SH3RF2: variants seen among roughly 807,000 people sequenced by gnomAD.
SH3RF2 encodes the protein E3 ubiquitin-protein ligase SH3RF2.
A neutral mutation model predicts 59.0 loss-of-function variants in SH3RF2; 43 were observed. The observed-to-expected ratio is 0.73, with a 90% CI of 0.57 to 0.94. The LOEUF is 0.94. Ranked by LOEUF, SH3RF2 falls within the 40% of genes least tolerant of loss-of-function variation. The probability of loss-of-function intolerance (pLI) is 0.00; values close to 1 mark genes in which losing one functional copy is unlikely to be tolerated. For synonymous variants in SH3RF2, 391 were observed against 391.5 expected (o/e 1.00, Z 0.01); for missense variants, 930 against 940.1 (o/e 0.99, Z 0.14).
rs1302603024 is a variant in SH3RF2 at position 146,000,069 on chromosome 5, A to T, written c.390A>T (p.Ala130=). The change falls in exon 3 of 10, where the codon GCA becomes GCT. Residue 130 remains alanine (A), a synonymous_variant. Coordinates refer to ENST00000359120, the MANE Select transcript of SH3RF2 (RefSeq NM_152550.4). ...VRIHMDGVPR[A]KALCNYRGQN... Reference sequence around the variant, plus strand: ...CTGTGCCATTGCAGGTGCCTCGAGCAAAGGCCTTATGCAACTACAGAGGGC... The same window carrying T: ...CTGTGCCATTGCAGGTGCCTCGAGCTAAGGCCTTATGCAACTACAGAGGGC... 1 of 1,612,504 alleles carries T rather than the reference A, an allele frequency of 6.2e-7. No individual in the cohort carries two copies.
chr5:146,028,564 C>A (rs1761624854), intron 5 of SH3RF2, among the ~76,000 whole-genome samples: 1 of 151,616 alleles, frequency 6.6e-6, no homozygotes, highest in African/African-American at 2.4e-5. Context: ...TTAGCGGCAT[C>A]CCCGGCCCCT....
At chr5:146,056,289 T>C (rs1384561411) in intron 8 of SH3RF2, 76 bp downstream of exon 8, 7 of 1,594,782 alleles carry the variant, frequency 4.4e-6, no homozygotes, top group East Asian at 4.5e-5. Context: ...ACAGGATGCT[T>C]TTTGCAAAAA....
intron 5 of SH3RF2, among the ~76,000 whole-genome samples, chr5:146,016,252 T>C (rs1249900020): frequency 1.3e-5 from 2 of 152,136 alleles, no homozygotes; most frequent in Non-Finnish European, 2.9e-5. Context: ...GTAACCATAG[T>C]GAGTACTGGA....
At chr5:146,045,310 T>A (rs1561760106) in intron 5 of SH3RF2, among the ~76,000 whole-genome samples, 1 of 152,270 alleles carries the variant, frequency 6.6e-6, no homozygotes, top group African/African-American at 2.4e-5. Context: ...GGTTTCATTC[T>A]TCTTAATGCT....
intron 2 of SH3RF2, among the ~76,000 whole-genome samples, chr5:145,993,752 C>A (rs1760041602): frequency 6.6e-6 from 1 of 152,208 alleles, no homozygotes. Context: ...TCCTCCTAGG[C>A]CTCCAGGCCT....
intron 2 of SH3RF2, among the ~76,000 whole-genome samples, chr5:145,991,041 G>A (rs1759913376): frequency 6.6e-6 from 1 of 152,182 alleles, no homozygotes; most frequent in African/African-American, 2.4e-5. Flanking sequence ...ATTACAACCA[G>A]CAGCAAGCAA....
At chr5:145,978,249 C>T (rs558337946) in intron 2 of SH3RF2, among the ~76,000 whole-genome samples, 2 of 152,302 alleles carry the variant, frequency 1.3e-5, no homozygotes, top group African/African-American at 4.8e-5. Context: ...ACCTTTCCTA[C>T]CTCCCAAACC....
Position 145,938,068 on chromosome 5 carries a change from T to C in SH3RF2, c.140T>C (p.Leu47Pro), listed in dbSNP as rs751499419. 1 of 1,614,234 alleles carries C rather than the reference T, an allele frequency of 6.2e-7. No individual in the cohort carries two copies. The highest frequency in any genetic ancestry group is 8.5e-7 in the Non-Finnish European group (1 of 1,180,042). ...LQRVFKAHKE[L>P]RCPECRTPVF... ...AGGGTTTTCAAGGCCCACAAAGAGC[T>C]GCGGTGCCCCGAATGCAGGACGCCT... Residue 47 changes from leucine to proline, a missense_variant, in exon 2 of 10, where the codon CTG becomes CCG. Coordinates refer to ENST00000359120, the MANE Select transcript of SH3RF2 (RefSeq NM_152550.4).
intron 4 of SH3RF2, among the ~76,000 whole-genome samples, chr5:146,004,737 C>G (rs1580845982): frequency 6.6e-6 from 1 of 151,806 alleles, no homozygotes; most frequent in Middle Eastern, 3.6e-3. Context: ...TATTTAATAT[C>G]ATAAAATGTT....
intron 9 of SH3RF2, among the ~76,000 whole-genome samples, chr5:146,072,266 C>T (rs1356331838): frequency 2.0e-5 from 3 of 152,128 alleles, no homozygotes; most frequent in Non-Finnish European, 4.4e-5. Flanking sequence ...TCAAGTGACA[C>T]GAGGCCAGAT....
intron 2 of SH3RF2, among the ~76,000 whole-genome samples, chr5:145,982,588 A>G (rs1267989553): frequency 1.3e-5 from 2 of 152,228 alleles, no homozygotes; most frequent in African/African-American, 2.4e-5. Context: ...TTAGGAGACT[A>G]TCATTCATGG....
chr5:146,057,966 C>CTCTCTA lies in SH3RF2; in HGVS notation c.1555+1756_1555+1757insCTATCT, dbSNP rs796279528. Among the ~76,000 whole-genome samples the CTCTCTA allele has an allele frequency of 7.6e-3, 553 of 72,870 alleles. 2 individuals carry two copies. The highest frequency in any genetic ancestry group is 0.019 in the African/African-American group (498 of 25,652). 47.8% of individuals were successfully genotyped at this position (72,870 alleles called of 152,430 possible). ...TCTCTCTCTCTCTCTCTCTCTCTCTCTCTATCTATCTATCTATCTATATAT... is the reference window on the plus strand; with the variant it reads ...TCTCTCTCTCTCTCTCTCTCTCTCTCTCTCTATCTATCTATCTATCTATCTATATAT... On this transcript the variant is annotated intron_variant, in intron 8 of 9. Coordinates refer to ENST00000359120, the MANE Select transcript of SH3RF2 (RefSeq NM_152550.4).
chr5:146,059,441 CCTT>C (rs1316275644), intron 8 of SH3RF2, among the ~76,000 whole-genome samples: 1 of 152,192 alleles, frequency 6.6e-6, no homozygotes, highest in East Asian at 1.9e-4. Flanking sequence ...GGTTGCCTCT[CCTT>C]TGTGTTTCTC....
chr5:146,051,928 C>A (rs937098221), intron 7 of SH3RF2, among the ~76,000 whole-genome samples: 2 of 152,112 alleles, frequency 1.3e-5, no homozygotes, highest in African/African-American at 2.4e-5. Context: ...ATGCTGACTG[C>A]AGGAAGGTGG....
At chr5:146,073,990 G>A (rs1229222176) in intron 9 of SH3RF2, among the ~76,000 whole-genome samples, 2 of 149,354 alleles carry the variant, frequency 1.3e-5, no homozygotes, top group African/African-American at 2.5e-5. Flanking sequence ...AGCTCAACCT[G>A]TCCCCTGTCC....
intron 8 of SH3RF2, among the ~76,000 whole-genome samples, chr5:146,057,976 C>CTATATATATATATATATA (rs1491563299): frequency 7.8e-4 from 92 of 118,090 alleles, no homozygotes; most frequent in African/African-American, 2.4e-3. Context: ...CTCTATCTAT[C>CTATATATATATATATATA]TATCTATCTA....
intron 5 of SH3RF2, among the ~76,000 whole-genome samples, chr5:146,035,105 CAA>C (rs34472730): frequency 2.7e-4 from 37 of 135,234 alleles, no homozygotes; most frequent in Non-Finnish European, 2.5e-4. Flanking sequence ...GACTCTGTTT[CAA>C]AAAAAAAAAA....
At chr5:146,014,569 C>A (rs1055044544) in intron 5 of SH3RF2, among the ~76,000 whole-genome samples, 31 of 152,284 alleles carry the variant, frequency 2.0e-4, no homozygotes, top group African/African-American at 7.5e-4. Flanking sequence ...TTATAGGACC[C>A]AGTCCAAAAT....
At chr5:145,974,398 G>T (rs1759205722) in intron 2 of SH3RF2, among the ~76,000 whole-genome samples, 1 of 152,106 alleles carries the variant, frequency 6.6e-6, no homozygotes, top group South Asian at 2.1e-4. Flanking sequence ...GAGCACCTTT[G>T]GTCATGGTAG....
Sources: gnomAD v4.1 joint callset for allele counts (sites outside exome capture counted in the v4.1 genomes callset) on GRCh38, gnomAD v4.1.1 for gene constraint, MANE v1.5 for transcripts, NCBI Gene and HGNC (gene_info 2026-07-23, HGNC 2026-07-21) for gene names.